BLK: variants seen among roughly 807,000 people sequenced by gnomAD.
BLK encodes tyrosine-protein kinase Blk.
A neutral mutation model predicts 61.8 loss-of-function variants in BLK; 64 were observed. The observed-to-expected ratio is 1.03, with a 90% CI of 0.85 to 1.27. BLK has a LOEUF of 1.27. Among genes scored for constraint, BLK ranks in the 50% most tolerant of loss-of-function variants. The probability of loss-of-function intolerance (pLI) is 0.00; values close to 1 mark genes in which losing one functional copy is unlikely to be tolerated. For missense variants in BLK, 853 were observed against 660.5 expected (o/e 1.29, Z -3.19); for synonymous variants, 351 against 272.0 (o/e 1.29, Z -2.86).
At chr8:11,556,102 G>C (rs916737140) in intron 8 of BLK, 1 of 229,542 alleles carries the variant, frequency 4.4e-6, no homozygotes, top group East Asian at 1.0e-4. Context: ...GGCAGGAGCT[G>C]TACCCAGGTC....
Position 11,554,743 on chromosome 8 carries a change from G to T in BLK, c.473G>T (p.Gly158Val). Residue 158 changes from glycine to valine, a missense_variant and splice_region_variant, in exon 7 of 13, where the codon GGT becomes GTT. Transcript: ENST00000259089. ...GTGTGTGTCTTCATGAACCCTCCAG[G>T]TGCCTTCTCCCTGTCTGTGAAGGAT... is the stretch of plus-strand genomic sequence containing the variant. ...FLIRESETNK[G>V]AFSLSVKDVT... The T allele has an allele frequency of 6.2e-7, 1 of 1,613,282 alleles. No individual in the cohort carries two copies. The highest frequency in any genetic ancestry group is 8.5e-7 in the Non-Finnish European group (1 of 1,180,008).
intron 1 of BLK, among the ~76,000 whole-genome samples, chr8:11,508,435 G>A (rs1293863828): frequency 8.5e-5 from 13 of 152,202 alleles, no homozygotes; most frequent in African/African-American, 3.1e-4. Context: ...AAGTTTGCCT[G>A]AAGACATGGC....
At chr8:11,525,904 C>A (rs1585357099) in intron 1 of BLK, among the ~76,000 whole-genome samples, 1 of 152,220 alleles carries the variant, frequency 6.6e-6, no homozygotes, top group South Asian at 2.1e-4. Flanking sequence ...ACCACCATGT[C>A]CGGCTGATTT....
intron 1 of BLK, among the ~76,000 whole-genome samples, chr8:11,541,140 G>A (rs1410626717): frequency 6.6e-6 from 1 of 151,842 alleles, no homozygotes; most frequent in Non-Finnish European, 1.5e-5. Flanking sequence ...GGTAGCACAT[G>A]CCTGTCATCC....
At position 11,541,843 on chromosome 8, in the gene BLK, A is replaced by T. The variant is rs368232873; in HGVS notation, c.-1-1381A>T. On this transcript the variant is annotated intron_variant, in intron 1 of 12. Transcript: ENST00000259089. Reference sequence around the variant, plus strand: ...AAACTTCTGAAACCCTAAATCTCTGAAAACTGAAGTGATACTTGTAACCCT... The same window carrying T: ...AAACTTCTGAAACCCTAAATCTCTGTAAACTGAAGTGATACTTGTAACCCT... Among the ~76,000 whole-genome samples, 9 of 152,308 alleles carry T rather than the reference A, an allele frequency of 5.9e-5. No homozygotes were observed. In the East Asian group the frequency reaches 1.7e-3, roughly 29 times the overall value.
chr8:11,541,931 A>G (rs1800396789), intron 1 of BLK, among the ~76,000 whole-genome samples: 1 of 152,264 alleles, frequency 6.6e-6, no homozygotes, highest in African/African-American at 2.4e-5. Context: ...ACTTAGATAT[A>G]AAAAGTGTTG....
chr8:11,499,217 T>C (rs536419292), intron 1 of BLK, among the ~76,000 whole-genome samples: 1 of 152,336 alleles, frequency 6.6e-6, no homozygotes, highest in Admixed American at 6.5e-5. Context: ...GCCTGCAGTA[T>C]TTAGTACAGT....
intron 1 of BLK, among the ~76,000 whole-genome samples, chr8:11,515,886 A>C (rs1376506889): frequency 1.3e-5 from 2 of 152,198 alleles, no homozygotes; most frequent in Non-Finnish European, 1.5e-5. Context: ...TTAAAAACAA[A>C]ATCATATAGA....
chr8:11,544,727 G>T (rs1016402082), intron 2 of BLK, among the ~76,000 whole-genome samples: 1 of 152,092 alleles, frequency 6.6e-6, no homozygotes, highest in African/African-American at 2.4e-5. Flanking sequence ...CTTCTTCCGT[G>T]TGTTCATTTC....
Position 11,559,610 on chromosome 8 carries a change from C to T in BLK, c.1029+1572C>T, listed in dbSNP as rs1801393552. 1.3e-5 allele frequency among the ~76,000 whole-genome samples: 2 copies of T among 152,202 alleles called. 1 individual carries two copies. Among genetic ancestry groups the T allele is most frequent in the South Asian group, 4.1e-4 (2 of 4,834 alleles). ...CTTCTTTTCTTACTCCATAGGAAGC[C>T]ATGCAAAGTCTCGCCAGACCTTTCT... On this transcript the variant is annotated intron_variant, in intron 10 of 12. Transcript: ENST00000259089.
intron 1 of BLK, 51 bp from the exon 2 acceptor site, chr8:11,543,173 A>G (rs1585387109): frequency 1.9e-6 from 3 of 1,611,770 alleles, no homozygotes; most frequent in East Asian, 2.2e-5. Flanking sequence ...TGTGCAGAGG[A>G]TCTGAGGCCC....
intron 1 of BLK, among the ~76,000 whole-genome samples, chr8:11,534,810 C>G (rs1563101828): frequency 6.6e-6 from 1 of 152,228 alleles, no homozygotes; most frequent in African/African-American, 2.4e-5. Flanking sequence ...CCAGGTGTTA[C>G]AGAGCAGCCT....
intron 1 of BLK, among the ~76,000 whole-genome samples, chr8:11,537,111 T>A (rs1348607582): frequency 6.6e-6 from 1 of 152,194 alleles, no homozygotes; most frequent in Admixed American, 6.5e-5. Context: ...AGGGCAAAGG[T>A]GAGGAAGCCT....
At chr8:11,509,063 A>G (rs751298903) in intron 1 of BLK, 8 of 152,244 alleles carry the variant, frequency 5.3e-5, no homozygotes, top group Admixed American at 1.3e-4. Context: ...CTTAGGAGGC[A>G]TCACAACAAT....
intron 1 of BLK, among the ~76,000 whole-genome samples, chr8:11,537,996 G>C (rs1800206569): frequency 6.6e-6 from 1 of 151,982 alleles, no homozygotes; most frequent in Non-Finnish European, 1.5e-5. Flanking sequence ...TCCTCTTGCT[G>C]ACTCCCCCGA....
intron 10 of BLK, chr8:11,558,597 G>A (rs191413786): frequency 6.8e-4 from 308 of 452,352 alleles, no homozygotes; most frequent in African/African-American, 5.4e-3. Context: ...AGGGAATTGC[G>A]AGTGCTGGAC....
intron 1 of BLK, among the ~76,000 whole-genome samples, chr8:11,526,352 T>C (rs79703070): frequency 0.02 from 3,056 of 152,344 alleles, 95 homozygotes; most frequent in African/African-American, 0.07. Flanking sequence ...TAACACCTGC[T>C]CACAAACACT....
At chr8:11,497,054 G>A (rs946016277) in intron 1 of BLK, among the ~76,000 whole-genome samples, 1 of 152,122 alleles carries the variant, frequency 6.6e-6, no homozygotes, top group Non-Finnish European at 1.5e-5. Flanking sequence ...TGCAGGCCCA[G>A]CAGAGCGGGT....
At chr8:11,496,000 G>T (rs1289501384) in intron 1 of BLK, among the ~76,000 whole-genome samples, 1 of 152,314 alleles carries the variant, frequency 6.6e-6, no homozygotes, top group South Asian at 2.1e-4. Context: ...AGCAGGAGTA[G>T]CCAAATCCTG....
Sources: allele counts gnomAD v4.1 joint callset (sites outside exome capture counted in the v4.1 genomes callset), GRCh38; gene constraint gnomAD v4.1.1; transcripts MANE v1.5; gene names NCBI Gene and HGNC (gene_info 2026-07-23, HGNC 2026-07-21).